GHR: variants seen among roughly 807,000 people sequenced by gnomAD.
GHR encodes growth hormone receptor.
Under a neutral mutation model 67.1 loss-of-function variants are expected in GHR, and 35 were observed. The observed-to-expected ratio is 0.52, with a 90% CI of 0.40 to 0.69. The LOEUF (loss-of-function observed/expected upper bound fraction) is 0.69. GHR is among the 30% of genes least tolerant of loss of function. The pLI, the probability that GHR is intolerant of heterozygous loss-of-function variation, is 0.00. For synonymous variants in GHR, 272 were observed against 269.1 expected (o/e 1.01, Z -0.10); for missense variants, 792 against 764.6 (o/e 1.04, Z -0.42).
intron 1 of GHR, among the ~76,000 whole-genome samples, chr5:42,542,986 T>A (rs888127522): frequency 8.5e-5 from 13 of 152,144 alleles, no homozygotes; most frequent in African/African-American, 3.1e-4. Context: ...TATGGCTGAG[T>A]AGTATTCCAT....
chr5:42,500,299 A>G (rs1221580804), intron 1 of GHR, among the ~76,000 whole-genome samples: 1 of 152,238 alleles, frequency 6.6e-6, no homozygotes, highest in Non-Finnish European at 1.5e-5. Context: ...TACTCAGCCC[A>G]TGGATTATTA....
At chr5:42,616,442 G>C (rs1753152813) in intron 2 of GHR, among the ~76,000 whole-genome samples, 1 of 152,046 alleles carries the variant, frequency 6.6e-6, no homozygotes, top group Non-Finnish European at 1.5e-5. Flanking sequence ...TGAGTGGATG[G>C]TGAAACAATT....
chr5:42,663,464 C>T lies in GHR; in HGVS notation c.137-25426C>T, dbSNP rs1186589414. The stretch of plus-strand genomic sequence containing the variant: ...TATTTGCAAATCAATAAATGTAATC[C>T]AGCATATAAACAGAACCAAAGACAA... On this transcript the variant is annotated intron_variant, in intron 3 of 9. Coordinates refer to ENST00000230882, the MANE Select transcript of GHR (RefSeq NM_000163.5). Among the ~76,000 whole-genome samples, 5 of 152,152 alleles carry T rather than the reference C, an allele frequency of 3.3e-5. No homozygotes were observed. The East Asian group carries it at 9.6e-4, about 29-fold the overall frequency.
intron 4 of GHR, among the ~76,000 whole-genome samples, chr5:42,693,632 G>A (rs1230716542): frequency 3.3e-5 from 5 of 152,060 alleles, no homozygotes; most frequent in Non-Finnish European, 7.4e-5. Context: ...AAGGAAATAG[G>A]CGTCTTCTCC....
intron 1 of GHR, among the ~76,000 whole-genome samples, chr5:42,538,030 C>T (rs1439974983): frequency 6.6e-6 from 1 of 152,106 alleles, no homozygotes; most frequent in African/African-American, 2.4e-5. Flanking sequence ...CACCCCTTTA[C>T]TTTAAGTTTA....
At chr5:42,454,526 G>A (rs1403548435) in intron 1 of GHR, among the ~76,000 whole-genome samples, 2 of 152,218 alleles carry the variant, frequency 1.3e-5, no homozygotes, top group African/African-American at 4.8e-5. Context: ...TCTTGGGCTA[G>A]TCTTGCCACA....
intron 1 of GHR, among the ~76,000 whole-genome samples, chr5:42,439,896 T>A (rs1037947610): frequency 6.6e-6 from 1 of 152,228 alleles, no homozygotes; most frequent in Non-Finnish European, 1.5e-5. Flanking sequence ...TTCCCTTAAA[T>A]GTTTTTTCTC....
intron 2 of GHR, among the ~76,000 whole-genome samples, chr5:42,598,290 A>G (rs1238638111): frequency 6.6e-6 from 1 of 152,216 alleles, no homozygotes; most frequent in Non-Finnish European, 1.5e-5. Flanking sequence ...AGGGCATTTT[A>G]TGCCATGCTA....
At chr5:42,631,125 CT>C (rs1458577613) in intron 3 of GHR, among the ~76,000 whole-genome samples, 3 of 152,100 alleles carry the variant, frequency 2.0e-5, no homozygotes, top group Non-Finnish European at 4.4e-5. Flanking sequence ...CAGTTTGGTT[CT>C]GTATGTCACA....
intron 2 of GHR, among the ~76,000 whole-genome samples, chr5:42,611,972 T>C (rs951755556): frequency 9.9e-5 from 15 of 152,192 alleles, no homozygotes; most frequent in African/African-American, 2.4e-4. Context: ...GACTATAAGA[T>C]TGTGGAATGT....
At chr5:42,468,504 GGGGGACCAGGACCT>G in intron 1 of GHR, 1 of 780,612 alleles carries the variant, frequency 1.3e-6, no homozygotes, top group Non-Finnish European at 2.1e-6. Context: ...GCAGGAGGCT[GGGGGACCAGGACCT>G]CAGCTCCTAC....
chr5:42,491,092 G>C (rs1746095040), intron 1 of GHR, among the ~76,000 whole-genome samples: 1 of 152,180 alleles, frequency 6.6e-6, no homozygotes, highest in African/African-American at 2.4e-5. Flanking sequence ...CTTATGCTGT[G>C]ATATTATTAA....
At chr5:42,553,151 A>C (rs188743401) in intron 1 of GHR, among the ~76,000 whole-genome samples, 1 of 152,324 alleles carries the variant, frequency 6.6e-6, no homozygotes, top group East Asian at 1.9e-4. Flanking sequence ...TAGTGGCTTA[A>C]ACAATACCCA....
intron 2 of GHR, among the ~76,000 whole-genome samples, chr5:42,599,096 C>T (rs181699088): frequency 3.3e-5 from 5 of 152,336 alleles, no homozygotes; most frequent in South Asian, 2.1e-4. Context: ...GGGCTCTTTA[C>T]ATGACCATTT....
intron 1 of GHR, among the ~76,000 whole-genome samples, chr5:42,541,759 A>G (rs1242803416): frequency 1.3e-5 from 2 of 152,196 alleles, no homozygotes; most frequent in African/African-American, 4.8e-5. Context: ...ATTTGAAGGC[A>G]TGTCTGAGAG....
chr5:42,552,764 T>G (rs1438218958), intron 1 of GHR, among the ~76,000 whole-genome samples: 2 of 152,056 alleles, frequency 1.3e-5, no homozygotes, highest in Admixed American at 6.6e-5. Flanking sequence ...AACTGTGGAG[T>G]TGGAATAGAG....
intron 1 of GHR, among the ~76,000 whole-genome samples, chr5:42,428,426 G>A (rs931387626): frequency 6.6e-6 from 1 of 152,164 alleles, no homozygotes; most frequent in African/African-American, 2.4e-5. Flanking sequence ...CTGCCATAAA[G>A]GCCTCTGACA....
intron 3 of GHR, among the ~76,000 whole-genome samples, chr5:42,645,397 G>A (rs1754679588): frequency 6.6e-6 from 1 of 152,036 alleles, no homozygotes; most frequent in Non-Finnish European, 1.5e-5. Context: ...CTTTGGCCAT[G>A]GAACATTTAC....
chr5:42,451,896 A>G (rs1159349168), intron 1 of GHR, among the ~76,000 whole-genome samples: 1 of 152,066 alleles, frequency 6.6e-6, no homozygotes, highest in Non-Finnish European at 1.5e-5. Context: ...CATTTAGGCC[A>G]TTTGCTTTCA....
Sources: allele counts gnomAD v4.1 joint callset (sites outside exome capture counted in the v4.1 genomes callset), GRCh38; gene constraint gnomAD v4.1.1; transcripts MANE v1.5; gene names NCBI Gene and HGNC (gene_info 2026-07-23, HGNC 2026-07-21).